Variants in MRPS28 observed in about 807,000 individuals in gnomAD.
MRPS28 encodes mitochondrial ribosomal protein S28, also known as small ribosomal subunit protein bS1m.
Under a neutral mutation model 10.8 loss-of-function variants are expected in MRPS28, and 7 were observed. That is an observed-to-expected ratio of 0.65 (90% CI 0.37 to 1.22). MRPS28 has a LOEUF of 1.22. Ranked by LOEUF, MRPS28 falls within the 50% of genes most tolerant of loss-of-function variation. The pLI is 0.02. For synonymous variants in MRPS28, 121 were observed against 93.3 expected, an observed-to-expected ratio of 1.30 and a Z score of -1.71; for missense variants, 265 against 232.9, an observed-to-expected ratio of 1.14 and a Z score of -0.90.
intron 2 of MRPS28, among the ~76,000 whole-genome samples, chr8:79,924,930 T>C (rs911582142): frequency 8.5e-5 from 13 of 152,178 alleles, no homozygotes; most frequent in African/African-American, 3.1e-4. Flanking sequence ...TTCTAGACAA[T>C]CTATTGAATA....
Position 80,012,894 on chromosome 8 carries a change from A to T in MRPS28, c.214-9714T>A, listed in dbSNP as rs74448530. Among the ~76,000 whole-genome samples the T allele has an allele frequency of 6.4e-3, 976 of 152,336 alleles. 9 individuals are homozygous for T. The highest frequency in any genetic ancestry group is 0.022 in the African/African-American group (909 of 41,570). ...GGACCATTTAATATACAGCTTGGAA[A>T]CAGGGGCAACTAGTGCTAAAAGAAT... On this transcript the variant is annotated intron_variant, in intron 1 of 2. Coordinates refer to ENST00000276585, the MANE Select transcript of MRPS28 (RefSeq NM_014018.3).
At chr8:79,985,631 G>C (rs1808134143) in intron 2 of MRPS28, among the ~76,000 whole-genome samples, 1 of 152,170 alleles carries the variant, frequency 6.6e-6, no homozygotes, top group Non-Finnish European at 1.5e-5. Context: ...ACTAACATCA[G>C]AGAATACTAT....
chr8:79,959,025 C>T (rs1196504831), intron 2 of MRPS28, among the ~76,000 whole-genome samples: 2 of 152,030 alleles, frequency 1.3e-5, no homozygotes, highest in East Asian at 3.9e-4. Flanking sequence ...ACAACATACA[C>T]TATATATATT....
chr8:79,963,002 T>C (rs1022444165), intron 2 of MRPS28, among the ~76,000 whole-genome samples: 1 of 152,082 alleles, frequency 6.6e-6, no homozygotes, highest in Non-Finnish European at 1.5e-5. Context: ...CTGTCCTGCA[T>C]TGGAAGAGCA....
chr8:79,918,717 T>C lies in MRPS28; in HGVS notation c.*263A>G, dbSNP rs965964370. The C allele has an allele frequency of 1.7e-4, 30 of 179,672 alleles. No individual in the cohort carries two copies. Among genetic ancestry groups the C allele is most frequent in the African/African-American group, 6.5e-4 (27 of 41,828 alleles). 11.1% of individuals were successfully genotyped at this position (179,672 alleles called of 1,614,324 possible). On this transcript the variant is annotated 3_prime_UTR_variant, in exon 3 of 3. Coordinates refer to ENST00000276585, the MANE Select transcript of MRPS28 (RefSeq NM_014018.3). ...GCTGTTTAAACTAGTACCATGCACA[T>C]AGACAGCACTCAAAACGTATTTATT...
intron 2 of MRPS28, among the ~76,000 whole-genome samples, chr8:79,982,788 C>A (rs1470269717): frequency 6.6e-6 from 1 of 152,226 alleles, no homozygotes; most frequent in Non-Finnish European, 1.5e-5. Flanking sequence ...GAGCCCAACA[C>A]AGCTCAAGGA....
At chr8:79,928,456 T>TA (rs200499613) in intron 2 of MRPS28, among the ~76,000 whole-genome samples, 10 of 147,402 alleles carry the variant, frequency 6.8e-5, no homozygotes, top group East Asian at 3.9e-4. Context: ...TATATATATA[T>TA]TTTTTGAGAC....
chr8:79,978,344 T>G (rs1336929395), intron 2 of MRPS28, among the ~76,000 whole-genome samples: 1 of 152,214 alleles, frequency 6.6e-6, no homozygotes, highest in Admixed American at 6.5e-5. Flanking sequence ...TGTATTTTTT[T>G]TTTCCCTGAT....
chr8:80,006,735 C>T (rs370054979), intron 1 of MRPS28, among the ~76,000 whole-genome samples: 1 of 152,040 alleles, frequency 6.6e-6, no homozygotes, highest in Non-Finnish European at 1.5e-5. Flanking sequence ...AAGTTGAATC[C>T]CTGAATAGAC....
In MRPS28 at chr8:80,025,898, C is replaced by G. The variant is rs933634642; in HGVS notation, c.213+4138G>C. 2.0e-5 allele frequency among the ~76,000 whole-genome samples: 3 copies of G among 152,132 alleles called. No homozygotes were observed. The East Asian group carries it at 5.8e-4, about 29-fold the overall frequency. On this transcript the variant is annotated intron_variant, in intron 1 of 2. Coordinates refer to ENST00000276585, the MANE Select transcript of MRPS28 (RefSeq NM_014018.3). ...AATATATTTTAAAACAGTATTCATA[C>G]TACGAACCAATTAATGTTTTTAAAT...
intron 2 of MRPS28, among the ~76,000 whole-genome samples, chr8:79,919,548 G>A (rs1453284865): frequency 1.3e-5 from 2 of 152,062 alleles, no homozygotes; most frequent in Non-Finnish European, 2.9e-5. Context: ...AGGCCAGGCT[G>A]GTCTCAAACT....
At chr8:80,012,540 A>G (rs999753771) in intron 1 of MRPS28, among the ~76,000 whole-genome samples, 2 of 152,334 alleles carry the variant, frequency 1.3e-5, no homozygotes, top group South Asian at 2.1e-4. Flanking sequence ...TCACCGCTGG[A>G]TATGTATCAT....
chr8:80,022,211 CT>C (rs111833815), intron 1 of MRPS28, among the ~76,000 whole-genome samples: 2,220 of 144,964 alleles, frequency 0.015, 53 homozygotes, highest in African/African-American at 0.051. Context: ...TTGGGACTGG[CT>C]TTTTTTTTTT....
chr8:80,006,989 T>C (rs2130179341), intron 1 of MRPS28, among the ~76,000 whole-genome samples: 1 of 152,280 alleles, frequency 6.6e-6, no homozygotes, highest in African/African-American at 2.4e-5. Context: ...TTTAGACCAA[T>C]ATCCTTGATG....
At chr8:79,991,915 T>G (rs1251904181) in intron 2 of MRPS28, among the ~76,000 whole-genome samples, 6 of 5,712 alleles carry the variant, frequency 1.1e-3, no homozygotes, top group South Asian at 0.02. Context: ...CCTTGCTCTC[T>G]CTCTCTCTCT....
At chr8:79,950,452 T>A (rs914506208) in intron 2 of MRPS28, among the ~76,000 whole-genome samples, 9 of 152,196 alleles carry the variant, frequency 5.9e-5, no homozygotes, top group African/African-American at 2.2e-4. Flanking sequence ...GATATTAGGG[T>A]ATAATTCTCT....
chr8:79,949,041 T>C (rs1336862675), intron 2 of MRPS28, among the ~76,000 whole-genome samples: 1 of 152,184 alleles, frequency 6.6e-6, no homozygotes, highest in Non-Finnish European at 1.5e-5. Flanking sequence ...TTGACAATTA[T>C]TCATAGAGTA....
intron 1 of MRPS28, 106 bp downstream of exon 1, chr8:80,029,930 G>C (rs996746397): frequency 5.2e-6 from 8 of 1,536,268 alleles, no homozygotes; most frequent in Non-Finnish European, 7.0e-6. Context: ...CTGGGCCCCG[G>C]ACCTCAGCTC....
At chr8:79,965,049 A>G (rs1419617343) in intron 2 of MRPS28, among the ~76,000 whole-genome samples, 2 of 152,152 alleles carry the variant, frequency 1.3e-5, no homozygotes, top group African/African-American at 4.8e-5. Context: ...AGCCATATAT[A>G]ATACACACAC....
Sources: gnomAD v4.1 joint callset for allele counts (sites outside exome capture counted in the v4.1 genomes callset) on GRCh38, gnomAD v4.1.1 for gene constraint, MANE v1.5 for transcripts, NCBI Gene and HGNC (gene_info 2026-07-23, HGNC 2026-07-21) for gene names.